MGAT4C: variants seen among roughly 807,000 people sequenced by gnomAD.
The protein encoded by MGAT4C is alpha-1,3-mannosyl-glycoprotein 4-beta-N-acetylglucosaminyltransferase C.
Under a neutral mutation model 40.1 loss-of-function variants are expected in MGAT4C, and 19 were observed. The observed-to-expected ratio is 0.47, with a 90% CI of 0.33 to 0.70. The LOEUF (loss-of-function observed/expected upper bound fraction) is 0.70. MGAT4C is among the 30% of genes least tolerant of loss of function. The pLI, the probability that MGAT4C is intolerant of heterozygous loss-of-function variation, is 0.02. For missense variants in MGAT4C, 491 were observed against 563.2 expected (o/e 0.87, Z 1.30); for synonymous variants, 181 against 187.1 (o/e 0.97, Z 0.27).
intron 2 of MGAT4C, among the ~76,000 whole-genome samples, chr12:86,005,936 T>C (rs1340511299): frequency 6.6e-6 from 1 of 152,166 alleles, no homozygotes; most frequent in African/African-American, 2.4e-5. Flanking sequence ...TGGAAAAATA[T>C]AGTGCACTCT....
intron 1 of MGAT4C, among the ~76,000 whole-genome samples, chr12:86,196,824 C>G (rs1485235526): frequency 6.6e-6 from 1 of 152,130 alleles, no homozygotes; most frequent in Non-Finnish European, 1.5e-5. Flanking sequence ...ATGCTTTCCA[C>G]TTTTTGCAAC....
At chr12:86,732,869 G>A (rs539324344) in intron 1 of MGAT4C, among the ~76,000 whole-genome samples, 2 of 149,444 alleles carry the variant, frequency 1.3e-5, no homozygotes, top group African/African-American at 4.9e-5. Context: ...TAACCATTCA[G>A]CCATACTGCA....
chr12:86,345,873 G>A (rs1955020622), intron 3 of MGAT4C, among the ~76,000 whole-genome samples: 1 of 151,728 alleles, frequency 6.6e-6, no homozygotes, highest in African/African-American at 2.4e-5. Flanking sequence ...CCCACCAACA[G>A]TGTAAAAGTG....
intron 2 of MGAT4C, among the ~76,000 whole-genome samples, chr12:86,046,282 T>C (rs1892388921): frequency 6.6e-6 from 1 of 152,296 alleles, no homozygotes; most frequent in Admixed American, 6.5e-5. Flanking sequence ...GACTTTTTAA[T>C]ATGTTTGCAC....
At chr12:86,450,461 G>C (rs1049756803) in intron 2 of MGAT4C, among the ~76,000 whole-genome samples, 2 of 151,908 alleles carry the variant, frequency 1.3e-5, no homozygotes, top group African/African-American at 4.8e-5. Context: ...GTGGTTTTGA[G>C]TTTCACAGTT....
At chr12:86,506,081 G>C (rs991243845) in intron 2 of MGAT4C, among the ~76,000 whole-genome samples, 12 of 152,132 alleles carry the variant, frequency 7.9e-5, no homozygotes, top group Non-Finnish European at 1.8e-4. Context: ...TAAGCCAGTG[G>C]ATCATGTATC....
chr12:86,649,668 T>C (rs1485358172), intron 2 of MGAT4C, among the ~76,000 whole-genome samples: 3 of 151,788 alleles, frequency 2.0e-5, no homozygotes, highest in East Asian at 3.9e-4. Flanking sequence ...AAGAGCCAGA[T>C]TGAAGGAAAA....
chr12:86,105,024 C>T (rs1194733087), intron 1 of MGAT4C, among the ~76,000 whole-genome samples: 4 of 151,958 alleles, frequency 2.6e-5, no homozygotes, highest in East Asian at 1.9e-4. Flanking sequence ...TTACAAAGGC[C>T]GTTACATCTT....
chr12:86,107,938 T>C (rs2135625564), intron 1 of MGAT4C, among the ~76,000 whole-genome samples: 1 of 152,224 alleles, frequency 6.6e-6, no homozygotes, highest in Admixed American at 6.6e-5. Context: ...ATTAAATAAA[T>C]TTATTATAGG....
At chr12:86,157,193 C>A (rs200053994) in intron 1 of MGAT4C, among the ~76,000 whole-genome samples, 1 of 151,572 alleles carries the variant, frequency 6.6e-6, no homozygotes, top group Admixed American at 6.6e-5. Flanking sequence ...TTTTTTTTAA[C>A]GGAAAGTGCA....
intron 2 of MGAT4C, among the ~76,000 whole-genome samples, chr12:86,684,706 T>C (rs1950041120): frequency 1.3e-5 from 2 of 152,308 alleles, no homozygotes; most frequent in South Asian, 4.1e-4. Context: ...GTTTCCTGAC[T>C]TTTTAATGAT....
rs191642449 is a variant in MGAT4C, at chr12:86,521,558, G to A, written c.-228-86293C>T. 5.7e-4 allele frequency among the ~76,000 whole-genome samples: 86 copies of A among 151,490 alleles called. 1 individual carries two copies. The East Asian group carries it at 0.012, about 20-fold the overall frequency. On this transcript the variant is annotated intron_variant, in intron 2 of 7. Coordinates refer to the MGAT4C transcript ENST00000548651. ...GGATTGCCTTGGCTATTCAGGCTTC[G>A]TATTTGTTTGTTTGTTTGTCTTTTT...
At chr12:86,394,596 A>C (rs1160264525) in intron 3 of MGAT4C, among the ~76,000 whole-genome samples, 1 of 138,548 alleles carries the variant, frequency 7.2e-6, no homozygotes, top group Admixed American at 8.1e-5. Context: ...AAATATTTAT[A>C]TATTTTATAT....
intron 1 of MGAT4C, among the ~76,000 whole-genome samples, chr12:86,051,167 G>A (rs558409551): frequency 1.6e-4 from 25 of 151,960 alleles, no homozygotes; most frequent in Non-Finnish European, 3.4e-4. Context: ...AGGCAACCAG[G>A]AAAAACAGCA....
chr12:86,291,837 G>C (rs966036001), intron 4 of MGAT4C, among the ~76,000 whole-genome samples: 15 of 150,638 alleles, frequency 1.0e-4, no homozygotes, highest in African/African-American at 3.5e-4. Context: ...ATAGGATTTG[G>C]GGGTAAGTGG....
chr12:86,801,420 A>T (rs776800651), intron 1 of MGAT4C, among the ~76,000 whole-genome samples: 4 of 151,914 alleles, frequency 2.6e-5, no homozygotes, highest in Non-Finnish European at 5.9e-5. Flanking sequence ...AAATTTAGGA[A>T]CAGTAATGAA....
chr12:86,639,711 C>T (rs1185239870), intron 2 of MGAT4C, among the ~76,000 whole-genome samples: 1 of 151,664 alleles, frequency 6.6e-6, no homozygotes. Context: ...CAGATAAAAT[C>T]TCCCAATAGG....
intron 1 of MGAT4C, among the ~76,000 whole-genome samples, chr12:86,134,849 G>T (rs780569384): frequency 5.9e-5 from 9 of 152,074 alleles, no homozygotes. Flanking sequence ...AGAGAAAGTC[G>T]TTTGTCAAAT....
chr12:86,443,576 T>G (rs1270659968), intron 2 of MGAT4C, among the ~76,000 whole-genome samples: 1 of 152,000 alleles, frequency 6.6e-6, no homozygotes, highest in Non-Finnish European at 1.5e-5. Flanking sequence ...GCTACCAAAC[T>G]GTTTTTTTTT....
Sources: allele counts gnomAD v4.1 joint callset (sites outside exome capture counted in the v4.1 genomes callset), GRCh38; gene constraint gnomAD v4.1.1; transcripts MANE v1.5; gene names NCBI Gene and HGNC (gene_info 2026-07-23, HGNC 2026-07-21).